CCNG1: variants seen among roughly 807,000 people sequenced by gnomAD.
CCNG1 encodes the protein cyclin-G1.
In CCNG1, 13 loss-of-function variants were observed where a neutral mutation model predicts 30.0. The ratio of observed to expected loss-of-function variants is 0.43; its 90% confidence interval spans 0.28 to 0.69. The LOEUF (loss-of-function observed/expected upper bound fraction) is 0.69, where lower values mean the gene tolerates loss of function less well. Among genes scored for constraint, CCNG1 ranks in the 30% least tolerant of loss-of-function variants. The pLI is 0.16. For missense variants in CCNG1, 285 were observed against 331.4 expected (o/e 0.86, Z 1.09); for synonymous variants, 110 against 121.5 (o/e 0.91, Z 0.62).
At chr5:163,456,517 C>G in the CCNG1 span, among the ~76,000 whole-genome samples, 1 of 152,032 alleles carries the variant, frequency 6.6e-6, no homozygotes, top group Non-Finnish European at 1.5e-5. Context: ...ACAGTGTGAT[C>G]CTCCATTTAT....
the CCNG1 span, chr5:163,452,109 G>C: frequency 6.6e-6 from 1 of 151,798 alleles, no homozygotes; most frequent in African/African-American, 2.4e-5. Context: ...CACTGGTACT[G>C]AAAACGGTTA....
chr5:163,445,882 C>T (rs2113389410), downstream of CCNG1: 1 of 152,092 alleles, frequency 6.6e-6, no homozygotes, highest in East Asian at 1.9e-4. Flanking sequence ...GGATGCTATC[C>T]TTAATATATA....
intron 6 of CCNG1, among the ~76,000 whole-genome samples, chr5:163,443,039 G>A (rs2113373714): frequency 6.6e-6 from 1 of 152,344 alleles, no homozygotes; most frequent in Middle Eastern, 3.4e-3. Context: ...GCCGGATGCA[G>A]TGGCTCACGC....
Position 163,443,020 on chromosome 5 carries a change from A to G in CCNG1, c.*3+452A>G, listed in dbSNP as rs577723192. On this transcript the variant is annotated intron_variant, in intron 6 of 6. Transcript: ENST00000340828. The stretch of plus-strand genomic sequence containing the variant: ...ACTTGGATATTGTACTTAAAAGAAA[A>G]AAAAGTAGGCCGGATGCAGTGGCTC... 2.6e-5 allele frequency among the ~76,000 whole-genome samples: 4 copies of G among 152,334 alleles called. No homozygotes were observed. The South Asian group carries it at 8.3e-4, about 32-fold the overall frequency.
chr5:163,447,245 A>T (rs1327980541), downstream of CCNG1: 2 of 152,778 alleles, frequency 1.3e-5, no homozygotes, highest in African/African-American at 4.8e-5. Context: ...TGAGGCCAAG[A>T]GTTCAAGACC....
chr5:163,443,142 T>C (rs1328064402), intron 6 of CCNG1, among the ~76,000 whole-genome samples: 6 of 152,000 alleles, frequency 3.9e-5, no homozygotes, highest in Non-Finnish European at 8.8e-5. Flanking sequence ...ACCCCGTCTC[T>C]GCTAAAAAAT....
intron 2 of CCNG1, 177 bp downstream of exon 2, chr5:163,439,697 T>C: frequency 1.8e-6 from 1 of 543,252 alleles, no homozygotes. Context: ...GTACATCAGG[T>C]ATTAGACTTA....
chr5:163,457,093 C>A, the CCNG1 span: 327 of 1,175,264 alleles, frequency 2.8e-4, no homozygotes, highest in African/African-American at 2.9e-3. Context: ...AAAAAAAAAA[C>A]ACACACACAC....
chr5:163,446,584 A>G (rs750887180), downstream of CCNG1: 4 of 152,260 alleles, frequency 2.6e-5, no homozygotes, highest in Non-Finnish European at 5.9e-5. Context: ...CTGTGCTGTC[A>G]TCATGATCAT....
At chr5:163,450,108 A>G (rs546093092), downstream of CCNG1, 4 of 152,218 alleles carry the variant, frequency 2.6e-5, no homozygotes, top group African/African-American at 9.7e-5. Flanking sequence ...AAATAAAAAA[A>G]AAATGGGCTG....
chr5:163,446,324 T>G (rs1053091246), downstream of CCNG1, among the ~76,000 whole-genome samples: 3 of 152,194 alleles, frequency 2.0e-5, no homozygotes, highest in Non-Finnish European at 4.4e-5. Flanking sequence ...ATGAATCATC[T>G]CATTAAAATC....
chr5:163,441,932 T>A lies in CCNG1; in HGVS notation c.565T>A (p.Cys189Ser), dbSNP rs771905774. Residue 189 changes from cysteine to serine, a missense_variant, in exon 4 of 7, where the codon TGT (cysteine) becomes AGT (serine). Cys to Ser is a moderately radical substitution (Grantham distance 112). Transcript: ENST00000340828. The part of the protein sequence containing the change: ...FERLEAQLKA[C>S]HCRIIFSKAK... ...AAGACTAGAAGCTCAACTGAAGGCA[T>A]GTCATTGCAGGATCATATTTTCTAA... 1 of 1,609,902 alleles carries A rather than the reference T, an allele frequency of 6.2e-7. No homozygotes were observed. Among genetic ancestry groups the A allele is most frequent in the Non-Finnish European group, 8.5e-7 (1 of 1,176,380 alleles).
At chr5:163,451,157 A>G in the CCNG1 span, 1 of 152,176 alleles carries the variant, frequency 6.6e-6, no homozygotes, top group Non-Finnish European at 1.5e-5. Context: ...TAAACTATAC[A>G]AGGTTTCTAT....
At chr5:163,450,102 A>T (rs1036910808), downstream of CCNG1, 9 of 149,484 alleles carry the variant, frequency 6.0e-5, no homozygotes, top group Non-Finnish European at 8.9e-5. Flanking sequence ...AATAAAAAAT[A>T]AAAAAAAAAT....
chr5:163,449,205 GAATAA>G (rs1267180005), downstream of CCNG1: 2 of 151,814 alleles, frequency 1.3e-5, no homozygotes, highest in Admixed American at 6.6e-5. Flanking sequence ...AGACTAAAAA[GAATAA>G]AATAAAACTG....
At chr5:163,438,422 A>C (rs563743556) in intron 1 of CCNG1, among the ~76,000 whole-genome samples, 3 of 152,322 alleles carry the variant, frequency 2.0e-5, no homozygotes, top group Non-Finnish European at 4.4e-5. Flanking sequence ...ATCTAGAAAG[A>C]AGCTCAAGCT....
the CCNG1 span, chr5:163,457,016 A>T: frequency 1.2e-5 from 19 of 1,613,458 alleles, no homozygotes; most frequent in Non-Finnish European, 1.5e-5. Context: ...CTAGTAGAGA[A>T]GTCCAACAAT....
the CCNG1 span, chr5:163,456,887 A>T: frequency 3.5e-5 from 43 of 1,225,690 alleles, no homozygotes; most frequent in Middle Eastern, 2.1e-4. Flanking sequence ...GATGATTTTT[A>T]TATATTTAAT....
In CCNG1 at chr5:163,443,746, C is replaced by A. The variant is rs1480897631; in HGVS notation, c.*76C>A. ...TTGTTCTATGGATTCCATAATGTTACAATGGATTTAAGCTATGAAGCCTCA... is the reference window on the plus strand; with the variant it reads ...TTGTTCTATGGATTCCATAATGTTAAAATGGATTTAAGCTATGAAGCCTCA... On this transcript the variant is annotated 3_prime_UTR_variant, in exon 7 of 7. Coordinates refer to ENST00000340828, the MANE Select transcript of CCNG1 (RefSeq NM_004060.4). 2.0e-5 allele frequency: 30 copies of A among 1,515,004 alleles called. No individual in the cohort carries two copies. In the Admixed American group the frequency reaches 2.4e-4, roughly 12 times the overall value. The allele number at this position is 1,515,004 out of a possible 1,614,324, so 93.8% of individuals were successfully genotyped here.
Sources: gnomAD v4.1 joint callset for allele counts (sites outside exome capture counted in the v4.1 genomes callset) on GRCh38, gnomAD v4.1.1 for gene constraint, MANE v1.5 for transcripts, NCBI Gene and HGNC (gene_info 2026-07-23, HGNC 2026-07-21) for gene names.